The following RYR2 variants were observed in gnomAD, a reference collection of about 807,000 sequenced individuals.
The protein encoded by RYR2 is cardiac muscle ryanodine receptor-calcium release channel.
RYR2 carries 227 observed loss-of-function variants against 601.1 expected under a neutral mutation model. The ratio of observed to expected loss-of-function variants is 0.38; its 90% confidence interval spans 0.34 to 0.42. The LOEUF (loss-of-function observed/expected upper bound fraction) is 0.42. RYR2 is among the 10% of genes least tolerant of loss of function. The probability of loss-of-function intolerance (pLI) is 1.00; values close to 1 mark genes in which losing one functional copy is unlikely to be tolerated. For synonymous variants in RYR2, 2,223 were observed against 2,175.1 expected (o/e 1.02, Z -0.61); for missense variants, 4,646 against 6,156.5 (o/e 0.75, Z 8.21).
At chr1:237,417,563 G>A (rs186023059) in intron 11 of RYR2, among the ~76,000 whole-genome samples, 1 of 152,288 alleles carries the variant, frequency 6.6e-6, no homozygotes, top group Admixed American at 6.5e-5. Context: ...ACTTGAACAT[G>A]AGCGTAGGAC....
chr1:237,790,445 G>A (rs558413449), intron 92 of RYR2, among the ~76,000 whole-genome samples: 2 of 152,146 alleles, frequency 1.3e-5, no homozygotes, highest in African/African-American at 4.8e-5. Flanking sequence ...TGCTTTCACT[G>A]TTGTTCCACT....
chr1:237,698,975 A>C lies in RYR2; in HGVS notation c.9078A>C (p.Ala3026=). The C allele has an allele frequency of 1.3e-6, 2 of 1,551,722 alleles. No homozygotes were observed. Among genetic ancestry groups the C allele is most frequent in the South Asian group, 1.2e-5 (1 of 83,328 alleles). The change falls in exon 64 of 105, where the codon GCA becomes GCC. Residue 3026 remains alanine, a synonymous_variant. Coordinates refer to ENST00000366574, the MANE Select transcript of RYR2 (RefSeq NM_001035.3). The stretch of plus-strand genomic sequence containing the variant: ...TTGTTTCCTCTTTAGGCAATGATGC[A>C]ACATCAATTGTCAACTGTCTTCATA... The part of the protein sequence containing the change: ...RHRISLFGND[A]TSIVNCLHIL...
chr1:237,530,408 C>T lies in RYR2; in HGVS notation c.2823-19C>T. On this transcript the variant is annotated intron_variant, in intron 24 of 104. Transcript: ENST00000366574. Reference sequence around the variant, plus strand: ...ATAGAGAAGAAATGATCACACTTATCTCTGGTTTTGTTTTCCAGGACTTTG... The same window carrying T: ...ATAGAGAAGAAATGATCACACTTATTTCTGGTTTTGTTTTCCAGGACTTTG... 6.4e-7 allele frequency: 1 copy of T among 1,574,538 alleles called. No individual in the cohort carries two copies. The highest frequency in any genetic ancestry group is 1.1e-5 in the South Asian group (1 of 87,168).
At chr1:237,767,219 G>T (rs897191094) in intron 84 of RYR2, among the ~76,000 whole-genome samples, 1 of 152,102 alleles carries the variant, frequency 6.6e-6, no homozygotes, top group Admixed American at 6.6e-5. Flanking sequence ...AAACAAGCAC[G>T]AGTTCACAAT....
At chr1:237,283,889 T>A (rs1414255706) in intron 2 of RYR2, among the ~76,000 whole-genome samples, 1 of 152,176 alleles carries the variant, frequency 6.6e-6, no homozygotes. Flanking sequence ...TGTGAGATTT[T>A]GGGGCACCCA....
chr1:237,623,391 T>TC (rs1679294968), intron 38 of RYR2, among the ~76,000 whole-genome samples: 2 of 12,144 alleles, frequency 1.6e-4, no homozygotes, highest in East Asian at 1.5e-3. Context: ...TTCTTTTTTT[T>TC]TTTTTTTTTT....
chr1:237,728,952 A>G (rs1690442035), intron 76 of RYR2, among the ~76,000 whole-genome samples: 1 of 150,670 alleles, frequency 6.6e-6, no homozygotes, highest in Non-Finnish European at 1.5e-5. Flanking sequence ...AAGTAATGAA[A>G]GCAAAAAAAA....
chr1:237,157,109 A>G (rs1406682923), intron 1 of RYR2, among the ~76,000 whole-genome samples: 1 of 152,024 alleles, frequency 6.6e-6, no homozygotes, highest in Non-Finnish European at 1.5e-5. Flanking sequence ...CAGCCTGGCC[A>G]GCATGGTGAA....
chr1:237,787,517 G>T, intron 91 of RYR2, among the ~76,000 whole-genome samples: 1 of 151,086 alleles, frequency 6.6e-6, no homozygotes, highest in East Asian at 2.0e-4. Context: ...ACTTGAACCC[G>T]GGAGCTGGAG....
rs547045076 is a variant in RYR2 at position 237,276,836 on chromosome 1, C to T, written c.168+6220C>T. ...GGTAGAAGTATTCCCTGACAAGACA[C>T]GCGCCAAGGTCGGATACTCCCTACT... On this transcript the variant is annotated intron_variant, in intron 2 of 104. Transcript: ENST00000366574. Among the ~76,000 whole-genome samples, 59 of 152,238 alleles carry T rather than the reference C, an allele frequency of 3.9e-4. 1 individual carries two copies. In the South Asian group the frequency reaches 9.5e-3, roughly 25 times the overall value.
intron 16 of RYR2, among the ~76,000 whole-genome samples, chr1:237,460,379 A>G (rs1315443067): frequency 6.6e-6 from 1 of 152,178 alleles, no homozygotes; most frequent in Non-Finnish European, 1.5e-5. Flanking sequence ...TCAGGGATCC[A>G]CTGTTGAAAC....
At position 237,417,090 on chromosome 1, in the gene RYR2, G is replaced by A. The variant is rs377368967; in HGVS notation, c.815G>A (p.Arg272His). 3.7e-6 allele frequency: 6 copies of A among 1,613,722 alleles called. No individual in the cohort carries two copies. Among genetic ancestry groups the A allele is most frequent in the African/African-American group, 1.3e-5 (1 of 74,998 alleles). Reference sequence around the variant, plus strand: ...GGTGGCGCTGTGTCTGTTCATGCACGTTCCCTTTGGAGACTAGAGACGCTA... The same window carrying A: ...GGTGGCGCTGTGTCTGTTCATGCACATTCCCTTTGGAGACTAGAGACGCTA... Reference protein sequence around the residue: ...YEGGAVSVHARSLWRLETLRV... With the variant: ...YEGGAVSVHAHSLWRLETLRV... The change falls in exon 11 of 105, where the codon CGT becomes CAT. Residue 272 changes from arginine (R) to histidine (H), a missense_variant. Around this residue, in one of 17 missense-constraint regions of RYR2, gnomAD observed 87 missense variants for 144.7 expected, o/e 0.60. Transcript: ENST00000366574.
chr1:237,257,851 G>A (rs1381893923), intron 1 of RYR2, among the ~76,000 whole-genome samples: 1 of 152,130 alleles, frequency 6.6e-6, no homozygotes, highest in East Asian at 1.9e-4. Flanking sequence ...GGAAGAACAA[G>A]CAAAGACCTT....
intron 16 of RYR2, among the ~76,000 whole-genome samples, chr1:237,458,310 C>T (rs973785077): frequency 6.6e-6 from 1 of 151,990 alleles, no homozygotes; most frequent in Admixed American, 6.6e-5. Context: ...GAGCCTGTAA[C>T]CCCAGCTACT....
At chr1:237,373,567 C>T (rs1700806071) in intron 6 of RYR2, among the ~76,000 whole-genome samples, 1 of 152,220 alleles carries the variant, frequency 6.6e-6, no homozygotes, top group African/African-American at 2.4e-5. Context: ...CTTTGTATCT[C>T]TGTTCTTACA....
intron 2 of RYR2, among the ~76,000 whole-genome samples, chr1:237,327,494 A>G (rs1023870032): frequency 8.5e-5 from 13 of 152,344 alleles, no homozygotes; most frequent in African/African-American, 3.1e-4. Context: ...GCATGAAACA[A>G]TTTAAATACA....
chr1:237,639,235 C>T (rs186268087), intron 46 of RYR2, 34 bp downstream of exon 46: 2 of 1,532,418 alleles, frequency 1.3e-6, no homozygotes, highest in African/African-American at 2.8e-5. Flanking sequence ...ACGAGTGATC[C>T]ATACTACTTG....
intron 3 of RYR2, among the ~76,000 whole-genome samples, chr1:237,344,006 A>G (rs1387804936): frequency 1.3e-5 from 2 of 151,622 alleles, no homozygotes; most frequent in Non-Finnish European, 2.9e-5. Context: ...TATTTTTAGT[A>G]CAGATGGGGT....
intron 8 of RYR2, among the ~76,000 whole-genome samples, chr1:237,382,205 A>G (rs781008076): frequency 6.6e-6 from 1 of 152,212 alleles, no homozygotes; most frequent in African/African-American, 2.4e-5. Flanking sequence ...AAACAGGCCA[A>G]GTTTTTCGGA....
Sources: allele counts gnomAD v4.1 joint callset (sites outside exome capture counted in the v4.1 genomes callset), GRCh38; gene constraint gnomAD v4.1.1; regional missense constraint gnomAD v4.1.1; transcripts MANE v1.5; gene names NCBI Gene and HGNC (gene_info 2026-07-23, HGNC 2026-07-21).